ZKSCAN5: variants seen among roughly 807,000 people sequenced by gnomAD.
The protein encoded by ZKSCAN5 is zinc finger protein with KRAB and SCAN domains 5.
A neutral mutation model predicts 60.0 loss-of-function variants in ZKSCAN5; 28 were observed. The observed-to-expected ratio is 0.47, with a 90% CI of 0.35 to 0.64. The LOEUF is 0.64. Ranked by LOEUF, ZKSCAN5 falls within the 30% of genes least tolerant of loss-of-function variation. ZKSCAN5 has a pLI of 0.01. For synonymous variants in ZKSCAN5, 361 were observed against 371.2 expected (o/e 0.97, Z 0.31); for missense variants, 881 against 1,034.6 (o/e 0.85, Z 2.04).
rs1283345730 is a variant in ZKSCAN5 at position 99,533,824 on chromosome 7, A to G, written c.*1575A>G. On this transcript the variant is annotated 3_prime_UTR_variant, in exon 7 of 7. Coordinates refer to ENST00000326775, the MANE Select transcript of ZKSCAN5 (RefSeq NM_145102.4). ...CCAAATAAATCACACTGTCAATCAC[A>G]TGGTTCTGAATCCCTGTCTCAGGCT... The G allele has an allele frequency of 2.6e-6, 1 of 391,068 alleles. No homozygotes were observed. The allele number at this position is 391,068 out of a possible 1,614,324, so 24.2% of individuals were successfully genotyped here.
chr7:99,509,481 T>C (rs960978884), intron 2 of ZKSCAN5, among the ~76,000 whole-genome samples: 2 of 151,906 alleles, frequency 1.3e-5, no homozygotes, highest in African/African-American at 4.8e-5. Context: ...TTTTTTTTTT[T>C]TTTGAGACAG....
intron 3 of ZKSCAN5, among the ~76,000 whole-genome samples, chr7:99,517,915 C>T (rs1365198323): frequency 2.0e-5 from 3 of 151,920 alleles, no homozygotes; most frequent in Non-Finnish European, 2.9e-5. Context: ...GGCCACGGGC[C>T]GTGGGTTGGG....
Position 99,506,065 on chromosome 7 carries a change from A to G in ZKSCAN5, c.21A>G (p.Arg7=). The G allele has an allele frequency of 1.9e-6, 3 of 1,613,730 alleles. No individual in the cohort carries two copies. Among genetic ancestry groups the G allele is most frequent in the East Asian group, 2.2e-5 (1 of 44,876 alleles). Residue 7 remains arginine, a synonymous_variant, in exon 2 of 7, where the codon CGA becomes CGG. Coordinates refer to ENST00000326775, the MANE Select transcript of ZKSCAN5 (RefSeq NM_145102.4). MIMTES[R]EVIDLDPPAE... ...TTGGAATGATAATGACCGAATCCCG[A>G]GAAGTTATAGACTTAGACCCCCCAG...
At chr7:99,520,061 T>A in intron 4 of ZKSCAN5, 108 bp from the exon 5 acceptor site, 11 of 1,522,232 alleles carry the variant, frequency 7.2e-6, no homozygotes, top group Non-Finnish European at 9.9e-6. Flanking sequence ...CCATCCTCTT[T>A]GAGGCACAGT....
chr7:99,528,243 G>A lies in ZKSCAN5; in HGVS notation c.1378+1825G>A, dbSNP rs544068433. Reference sequence around the variant, plus strand: ...GGGTTTGAGCTGAGCTATCCTCTCAGCTAGTGTTTTCCCGTTCTACTCGAT... The same window carrying A: ...GGGTTTGAGCTGAGCTATCCTCTCAACTAGTGTTTTCCCGTTCTACTCGAT... On this transcript the variant is annotated intron_variant, in intron 6 of 6. Transcript: ENST00000326775. Among the ~76,000 whole-genome samples the A allele has an allele frequency of 2.1e-4, 32 of 151,426 alleles. No individual in the cohort carries two copies. In the South Asian group the frequency reaches 5.8e-3, roughly 28 times the overall value.
At position 99,520,232 on chromosome 7, in the gene ZKSCAN5, C is replaced by T. The variant is rs769344327; in HGVS notation, c.700C>T (p.His234Tyr). Residue 234 changes from histidine (H) to tyrosine (Y), a missense_variant, in exon 5 of 7, where the codon CAT becomes TAT. Coordinates refer to ENST00000326775, the MANE Select transcript of ZKSCAN5 (RefSeq NM_145102.4). ...ATCCTTCATCCTGGAGGAATGGGGGCATTTGGACCAGTCCCAGAAGTCCCT... is the reference window on the plus strand; with the variant it reads ...ATCCTTCATCCTGGAGGAATGGGGGTATTTGGACCAGTCCCAGAAGTCCCT... ...AVSFILEEWGHLDQSQKSLYR... is the reference protein window; with the variant it reads ...AVSFILEEWGYLDQSQKSLYR... 1 of 1,614,132 alleles carries T rather than the reference C, an allele frequency of 6.2e-7. No homozygotes were observed. Among genetic ancestry groups the T allele is most frequent in the South Asian group, 1.1e-5 (1 of 91,086 alleles).
intron 3 of ZKSCAN5, among the ~76,000 whole-genome samples, chr7:99,519,365 C>T (rs1358965139): frequency 6.7e-6 from 1 of 150,296 alleles, no homozygotes; most frequent in African/African-American, 2.5e-5. Context: ...GCAACTTCTG[C>T]ATCCTAGGTT....
Position 99,532,236 on chromosome 7 carries a change from G to A in ZKSCAN5, c.2507G>A (p.Gly836Glu), listed in dbSNP as rs771694036. ...CCCATAAATACCTTAAGTGTAGAGGGGTCTCTGTTGTAGAATAGCTCTTAA... is the reference window on the plus strand; with the variant it reads ...CCCATAAATACCTTAAGTGTAGAGGAGTCTCTGTTGTAGAATAGCTCTTAA... Reference protein sequence around the residue: ...TDPINTLSVEGSLL With the variant: ...TDPINTLSVEESLL Residue 836 changes from glycine to glutamate, a missense_variant, in exon 7 of 7, where the codon GGG becomes GAG. Transcript: ENST00000326775. 1 of 1,580,226 alleles carries A rather than the reference G, an allele frequency of 6.3e-7. No homozygotes were observed. Among genetic ancestry groups the A allele is most frequent in the Non-Finnish European group, 8.6e-7 (1 of 1,167,910 alleles).
chr7:99,519,775 T>G, intron 3 of ZKSCAN5, 52 bp from the exon 4 acceptor site: 1 of 1,563,306 alleles, frequency 6.4e-7, no homozygotes, highest in Non-Finnish European at 8.8e-7. Context: ...ATGATGGCAA[T>G]GAGAACCGGG....
intron 3 of ZKSCAN5, among the ~76,000 whole-genome samples, chr7:99,518,511 G>A (rs936504573): frequency 2.6e-5 from 4 of 151,926 alleles, no homozygotes; most frequent in Non-Finnish European, 5.9e-5. Context: ...GTCAGAATCT[G>A]CAAGTACCAA....
rs761778890 is a variant in ZKSCAN5 at position 99,531,292 on chromosome 7, A to G, written c.1563A>G (p.Ile521Met). 1 of 1,614,154 alleles carries G rather than the reference A, an allele frequency of 6.2e-7. No individual in the cohort carries two copies. Among genetic ancestry groups the G allele is most frequent in the East Asian group, 2.2e-5 (1 of 44,888 alleles). Residue 521 changes from isoleucine (I) to methionine (M), a missense_variant, in exon 7 of 7, where the codon ATA becomes ATG. Physicochemically the swap from Ile to Met is conservative, Grantham distance 10. Transcript: ENST00000326775. The part of the protein sequence containing the change: ...DRKQGIPMKE[I>M]LGQPSSKRMN... ...AGCAGGGAATTCCCATGAAAGAGATACTAGGACAACCATCTTCAAAGAGGA... is the reference window on the plus strand; with the variant it reads ...AGCAGGGAATTCCCATGAAAGAGATGCTAGGACAACCATCTTCAAAGAGGA...
rs778157065 is a variant in ZKSCAN5, at chr7:99,532,201, G to A, written c.2472G>A (p.Glu824=). 13 of 1,611,398 alleles carry A rather than the reference G, an allele frequency of 8.1e-6. No homozygotes were observed. Among genetic ancestry groups the A allele is most frequent in the Non-Finnish European group, 1.1e-5 (13 of 1,179,222 alleles). The stretch of plus-strand genomic sequence containing the variant: ...TCTTTAAACACCTGAGAAGCCATGA[G>A]AGGACAGATCCCATAAATACCTTAA... ...CSLFKHLRSH[E]RTDPINTLSV... is the part of the protein sequence containing the mutation. The change falls in exon 7 of 7, where the codon GAG becomes GAA. Residue 824 remains glutamate, a synonymous_variant. Coordinates refer to ENST00000326775, the MANE Select transcript of ZKSCAN5 (RefSeq NM_145102.4).
intron 3 of ZKSCAN5, 105 bp from the exon 4 acceptor site, chr7:99,519,722 G>C: frequency 9.2e-7 from 1 of 1,091,124 alleles, no homozygotes; most frequent in Admixed American, 2.1e-5. Context: ...ATTTGGCCTC[G>C]GCGCAGTAGG....
intron 3 of ZKSCAN5, among the ~76,000 whole-genome samples, chr7:99,514,507 C>T (rs922208558): frequency 6.6e-6 from 1 of 152,210 alleles, no homozygotes; most frequent in African/African-American, 2.4e-5. Flanking sequence ...AAAGTAGCTT[C>T]ATGCCTGTAA....
chr7:99,508,289 C>G (rs1334864759), intron 2 of ZKSCAN5, among the ~76,000 whole-genome samples: 1 of 150,722 alleles, frequency 6.6e-6, no homozygotes, highest in Admixed American at 6.6e-5. Flanking sequence ...CAGAGCGAGA[C>G]TCCATCTCAA....
intron 3 of ZKSCAN5, among the ~76,000 whole-genome samples, chr7:99,517,055 C>CA (rs1271474612): frequency 1.3e-5 from 2 of 151,942 alleles, no homozygotes; most frequent in African/African-American, 4.8e-5. Context: ...ATAAAAATTG[C>CA]AAAAAAACCC....
Position 99,506,448 on chromosome 7 carries a change from G to A in ZKSCAN5, c.404G>A (p.Arg135His). 2 of 1,610,368 alleles carry A rather than the reference G, an allele frequency of 1.2e-6. No homozygotes were observed. The highest frequency in any genetic ancestry group is 1.7e-6 in the Non-Finnish European group (2 of 1,177,392). ...AATATACAGCGAGAACTTGAGGAAC[G>A]CAGACAGCAGGTGAGTCAAAGAGAA... The part of the protein sequence containing the change: ...IENIQRELEE[R>H]RQQIVACPDV... Residue 135 changes from arginine (R) to histidine (H), a missense_variant, in exon 2 of 7, where the codon CGC becomes CAC. Around this residue, in one of 5 missense-constraint regions of ZKSCAN5, gnomAD observed 490 missense variants for 554.5 expected, o/e 0.88. Transcript: ENST00000326775.
intron 5 of ZKSCAN5, among the ~76,000 whole-genome samples, chr7:99,521,702 C>T (rs1801546123): frequency 6.6e-6 from 1 of 151,284 alleles, no homozygotes; most frequent in African/African-American, 2.4e-5. Flanking sequence ...CTATTGGGAT[C>T]TTGGTAGTCT....
intron 2 of ZKSCAN5, among the ~76,000 whole-genome samples, chr7:99,510,709 A>C (rs1180328160): frequency 6.6e-6 from 1 of 151,856 alleles, no homozygotes; most frequent in African/African-American, 2.4e-5. Flanking sequence ...CCCCCAAAGT[A>C]CTGGGATTAC....
Sources: gnomAD v4.1 joint callset for allele counts (sites outside exome capture counted in the v4.1 genomes callset) on GRCh38, gnomAD v4.1.1 for gene constraint, gnomAD v4.1.1 regional missense constraint, MANE v1.5 for transcripts, NCBI Gene and HGNC (gene_info 2026-07-23, HGNC 2026-07-21) for gene names.